SEMA4C: variants seen among roughly 807,000 people sequenced by gnomAD.
The protein encoded by SEMA4C is semaphorin 4C, also known as semaphorin-4C.
A neutral mutation model predicts 89.0 loss-of-function variants in SEMA4C; 19 were observed. The observed-to-expected ratio is 0.21, with a 90% confidence interval of 0.15 to 0.31. The LOEUF is 0.31. SEMA4C is among the 10% of genes least tolerant of loss of function. The pLI, the probability that SEMA4C is intolerant of heterozygous loss-of-function variation, is 1.00. For synonymous variants in SEMA4C, 428 were observed against 472.7 expected (o/e 0.91, Z 1.23); for missense variants, 811 against 1,107.0 (o/e 0.73, Z 3.79).
Position 96,860,760 on chromosome 2 carries a change from C to G in SEMA4C, c.2368G>C (p.Val790Leu). 1.9e-6 allele frequency: 3 copies of G among 1,613,936 alleles called. No individual in the cohort carries two copies. Among genetic ancestry groups the G allele is most frequent in the Non-Finnish European group, 2.5e-6 (3 of 1,180,006 alleles). The change falls in exon 15 of 15, where the codon GTG becomes CTG. Residue 790 changes from valine (V) to leucine (L), a missense_variant. Around this residue, in one of 4 missense-constraint regions of SEMA4C, gnomAD observed 248 missense variants for 269.0 expected, o/e 0.92. Coordinates refer to ENST00000305476, the MANE Select transcript of SEMA4C (RefSeq NM_017789.5). ...TCCTCCCCTCCTAGTTGTAAGCGCA[C>G]GTAACCATTGGCATTTGAGTTCCGC... ...GGRNSNANGY[V>L]RLQLGGEDRG...
In SEMA4C at chr2:96,863,801, G is replaced by T; in HGVS notation, c.1331-7C>A. ...TTGAGCAGCCAGCCGTCTCCTGGGG[G>T]GTGCAGAGGAGAAGGTGTAAATGAG... On this transcript the variant is annotated splice_region_variant and splice_polypyrimidine_tract_variant and intron_variant, in intron 11 of 14. Transcript: ENST00000305476. The T allele has an allele frequency of 6.2e-7, 1 of 1,612,604 alleles. No individual in the cohort carries two copies. Among genetic ancestry groups the T allele is most frequent in the Non-Finnish European group, 8.5e-7 (1 of 1,178,868 alleles).
Position 96,865,735 on chromosome 2 carries a change from C to T in SEMA4C, c.351G>A (p.Leu117=). ...QTECFNFIRF[L]QPYNASHLYV... Reference sequence around the variant, plus strand: ...ACAGGTGGGAGGCATTGTAGGGCTGCAGGAAGCGGATGAAGTTGAAGCACT... The same window carrying T: ...ACAGGTGGGAGGCATTGTAGGGCTGTAGGAAGCGGATGAAGTTGAAGCACT... Residue 117 remains leucine (L), a synonymous_variant, in exon 5 of 15, where the codon CTG becomes CTA. Transcript: ENST00000305476. The T allele has an allele frequency of 6.2e-7, 1 of 1,614,070 alleles. No homozygotes were observed. The highest frequency in any genetic ancestry group is 2.2e-5 in the East Asian group (1 of 44,870).
rs751270367 is a variant in SEMA4C at position 96,866,421 on chromosome 2, C to T, written c.120G>A (p.Thr40=). The T allele has an allele frequency of 6.2e-6, 10 of 1,613,972 alleles. No individual in the cohort carries two copies. In the Admixed American group the frequency reaches 8.3e-5, roughly 13 times the overall value. The change falls in exon 3 of 15, where the codon ACG becomes ACA. Residue 40 remains threonine (T), a synonymous_variant. Coordinates refer to ENST00000305476, the MANE Select transcript of SEMA4C (RefSeq NM_017789.5). ...RKTVSSGELA[T]VVRRFSQTGI... The stretch of plus-strand genomic sequence containing the variant: ...CGGTCTGGGAGAACCGCCGTACTAC[C>T]GTGGCCAGCTCTGCAGGGGTAAGCA...
chr2:96,865,397 A>G, intron 6 of SEMA4C, 44 bp downstream of exon 6: 6 of 1,611,048 alleles, frequency 3.7e-6, no homozygotes, highest in Non-Finnish European at 3.4e-6. Flanking sequence ...AGTGGAACCA[A>G]GCCCCAAGGA....
chr2:96,860,724 G>T lies in SEMA4C; in HGVS notation c.2404C>A (p.Leu802Ile). Residue 802 changes from leucine to isoleucine, a missense_variant, in exon 15 of 15, where the codon CTC (leucine) becomes ATC (isoleucine). By Grantham distance (5) the Leu-to-Ile change is conservative. Around this residue, in one of 4 missense-constraint regions of SEMA4C, gnomAD observed 248 missense variants for 269.0 expected, o/e 0.92. Transcript: ENST00000305476. ...GCGAGCTCAGGCAGGGGGTGCCCGAGCCCTCCCCGGTCCTCCCCTCCTAGT... is the reference window on the plus strand; with the variant it reads ...GCGAGCTCAGGCAGGGGGTGCCCGATCCCTCCCCGGTCCTCCCCTCCTAGT... ...LQLGGEDRGG[L>I]GHPLPELADE... is the part of the protein sequence containing the mutation. The T allele has an allele frequency of 6.2e-7, 1 of 1,613,778 alleles. No individual in the cohort carries two copies. Among genetic ancestry groups the T allele is most frequent in the Non-Finnish European group, 8.5e-7 (1 of 1,179,992 alleles).
Position 96,865,725 on chromosome 2 carries a change from T to C in SEMA4C, c.361A>G (p.Asn121Asp), listed in dbSNP as rs1486760201. ...FNFIRFLQPY[N>D]ASHLYVCGTY... ...CCACAGACGTACAGGTGGGAGGCATTGTAGGGCTGCAGGAAGCGGATGAAG... is the reference window on the plus strand; with the variant it reads ...CCACAGACGTACAGGTGGGAGGCATCGTAGGGCTGCAGGAAGCGGATGAAG... The change falls in exon 5 of 15, where the codon AAT (asparagine) becomes GAT (aspartate). Residue 121 changes from asparagine to aspartate, a missense_variant. Physicochemically the swap from Asn to Asp is conservative, Grantham distance 23. Around this residue, in one of 4 missense-constraint regions of SEMA4C, gnomAD observed 119 missense variants for 152.7 expected, o/e 0.78. Transcript: ENST00000305476. The C allele has an allele frequency of 6.2e-7, 1 of 1,613,874 alleles. No homozygotes were observed. Among genetic ancestry groups the C allele is most frequent in the Admixed American group, 1.7e-5 (1 of 59,992 alleles).
chr2:96,868,415 C>A, intron 1 of SEMA4C: 2 of 1,002,446 alleles, frequency 2.0e-6, no homozygotes, highest in Non-Finnish European at 2.4e-6. Context: ...AAAGGGGAAA[C>A]CTGGTGCGGC....
rs370785699 is a variant in SEMA4C, at chr2:96,861,274, C to T, written c.1854G>A (p.Gln618=). ...AGTGGTAGGCCCCGGCATGGCGGGG[C>T]TGGGCAGCCATCACAACCAGGGCCT... ...RLQALVVMAA[Q]PRHAGAYHCF... Residue 618 remains glutamine, a synonymous_variant, in exon 15 of 15, where the codon CAG becomes CAA. Coordinates refer to ENST00000305476, the MANE Select transcript of SEMA4C (RefSeq NM_017789.5). This position sits in a 1 kb window ranked among gnomAD's most constrained non-coding sequence, Gnocchi z 7.8. 13 of 1,607,564 alleles carry T rather than the reference C, an allele frequency of 8.1e-6. No homozygotes were observed. In the East Asian group the frequency reaches 8.9e-5, roughly 11 times the overall value.
In SEMA4C at chr2:96,864,585, G is replaced by C. The variant is rs2080026535; in HGVS notation, c.962+120C>G. On this transcript the variant is annotated intron_variant, in intron 9 of 14. Coordinates refer to ENST00000305476, the MANE Select transcript of SEMA4C (RefSeq NM_017789.5). The surrounding 1 kb of genome is among the most constrained non-coding windows in gnomAD (Gnocchi z 6.3). ...GGGGCAGGTGCCAGCATTCTCCTTG[G>C]CTTCTGGACACCTGGCTTCCGGGAC... 7.2e-7 allele frequency: 1 copy of C among 1,390,332 alleles called. No individual in the cohort carries two copies. The highest frequency in any genetic ancestry group is 2.1e-5 in the Admixed American group (1 of 47,020). The allele number at this position is 1,390,332 out of a possible 1,614,324, so 86.1% of individuals were successfully genotyped here. A position where few individuals can be genotyped will look rare whatever the true frequency, so the allele number is the denominator to read the frequency against.
rs1320458988 is a variant in SEMA4C at position 96,860,601 on chromosome 2, C to A, written c.*25G>T. On this transcript the variant is annotated 3_prime_UTR_variant, in exon 15 of 15. Transcript: ENST00000305476. The stretch of plus-strand genomic sequence containing the variant: ...AGTAGGAGCTACACCTCCCACGCTT[C>A]CCGCCGACGCGGTGGGGGTTCCCCT... The A allele has an allele frequency of 6.4e-7, 1 of 1,566,894 alleles. No individual in the cohort carries two copies. Among genetic ancestry groups the A allele is most frequent in the Admixed American group, 1.8e-5 (1 of 54,386 alleles).
In SEMA4C at chr2:96,866,281, A is replaced by AC; in HGVS notation, c.258+1dup. On this transcript the variant is annotated splice_donor_variant, in intron 3 of 14. Coordinates refer to ENST00000305476, the MANE Select transcript of SEMA4C (RefSeq NM_017789.5). LOFTEE classifies it high-confidence loss of function. Reference sequence around the variant, plus strand: ...ACTGCCTCCCACTGCCCCACCTCTCACCGCTCCTTGCAGCTCCAGGGCCTC... The same window carrying AC: ...ACTGCCTCCCACTGCCCCACCTCTCACCCGCTCCTTGCAGCTCCAGGGCCTC... 5 of 1,607,278 alleles carry AC rather than the reference A, an allele frequency of 3.1e-6. No individual in the cohort carries two copies. The highest frequency in any genetic ancestry group is 4.3e-6 in the Non-Finnish European group (5 of 1,175,214).
At position 96,861,555 on chromosome 2, in the gene SEMA4C, T is replaced by A. The variant is rs199642667; in HGVS notation, c.1672+24A>T. On this transcript the variant is annotated intron_variant, in intron 14 of 14. Transcript: ENST00000305476. This position sits in a 1 kb window ranked among gnomAD's most constrained non-coding sequence, Gnocchi z 7.8. ...AGCTCTGGTCCAGGGCTCAGCCCGA[T>A]GCGACGGGAATGAAAAAGCTCACCT... The A allele has an allele frequency of 9.8e-4, 1,564 of 1,600,532 alleles. 39 individuals are homozygous for A. The South Asian group carries it at 0.016, about 17-fold the overall frequency.
chr2:96,861,607 G>A lies in SEMA4C; in HGVS notation c.1644C>T (p.Gly548=). The change falls in exon 14 of 15, where the codon GGC becomes GGT. Residue 548 remains glycine (G), a synonymous_variant. Transcript: ENST00000305476. This position sits in a 1 kb window ranked among gnomAD's most constrained non-coding sequence, Gnocchi z 7.8. ...TCTTACTGCCACGGAGGTTGCAGATGCCTGAAGTGTCCGAGGTCATCACAT... is the reference window on the plus strand; with the variant it reads ...TCTTACTGCCACGGAGGTTGCAGATACCTGAAGTGTCCGAGGTCATCACAT... The part of the protein sequence containing the change: ...IQHVMTSDTS[G]ICNLRGSKKV... 6.3e-7 allele frequency: 1 copy of A among 1,582,612 alleles called. No individual in the cohort carries two copies. The highest frequency in any genetic ancestry group is 8.6e-7 in the Non-Finnish European group (1 of 1,160,856).
Position 96,860,008 on chromosome 2 carries a change from G to T in SEMA4C, c.*618C>A. ...ACCCACCCTTCCCCCCAAACACACA[G>T]GAGGCTCCATCTCCCTCCCCCCACC... On this transcript the variant is annotated 3_prime_UTR_variant, in exon 15 of 15. Transcript: ENST00000305476. The T allele has an allele frequency of 1.3e-5, 1 of 79,440 alleles. No individual in the cohort carries two copies. Among genetic ancestry groups the T allele is most frequent in the Non-Finnish European group, 2.3e-5 (1 of 43,442 alleles). The allele number at this position is 79,440 out of a possible 1,614,324, so 4.9% of individuals were successfully genotyped here. A position where few individuals can be genotyped will look rare whatever the true frequency, so the allele number is the denominator to read the frequency against.
chr2:96,867,712 C>G (rs2080112606), intron 2 of SEMA4C, 66 bp downstream of exon 2: 1 of 1,470,242 alleles, frequency 6.8e-7, no homozygotes, highest in African/African-American at 1.4e-5. Context: ...ATAAAGCCAG[C>G]ACACTATGGG....
chr2:96,862,130 C>A lies in SEMA4C; in HGVS notation c.1444-236G>T. 5.8e-6 allele frequency: 3 copies of A among 521,488 alleles called. 1 individual carries two copies. In the South Asian group the frequency reaches 9.0e-5, roughly 16 times the overall value. 32.3% of individuals were successfully genotyped at this position (521,488 alleles called of 1,614,324 possible). A position where few individuals can be genotyped will look rare whatever the true frequency, so the allele number is the denominator to read the frequency against. On this transcript the variant is annotated intron_variant, in intron 12 of 14. Coordinates refer to ENST00000305476, the MANE Select transcript of SEMA4C (RefSeq NM_017789.5). ...GATGCAATCCTAAGCCCCTTATCGA[C>A]GTGACGTTATTAGAAAGGGATGATG... is the stretch of plus-strand genomic sequence containing the variant.
chr2:96,870,829 G>A (rs80031589), upstream of SEMA4C: 7 of 888,340 alleles, frequency 7.9e-6, no homozygotes, highest in Non-Finnish European at 9.4e-6. Context: ...ACCAGCCTCC[G>A]CCCACAGCCA....
chr2:96,864,107 G>A lies in SEMA4C; in HGVS notation c.1149C>T (p.Ser383=), dbSNP rs779778516. 7 of 1,612,842 alleles carry A rather than the reference G, an allele frequency of 4.3e-6. No individual in the cohort carries two copies. The highest frequency in any genetic ancestry group is 5.9e-6 in the Non-Finnish European group (7 of 1,180,002). ...NWHRRHGYTS[S]LELPDNILNF... ...TGAGGATGTTGTCGGGTAGCTCCAG[G>A]GAGCTGGTGTAGCCGTGGCGCCGAT... The change falls in exon 11 of 15, where the codon TCC becomes TCT. Residue 383 remains serine, a synonymous_variant. Coordinates refer to ENST00000305476, the MANE Select transcript of SEMA4C (RefSeq NM_017789.5). This position sits in a 1 kb window ranked among gnomAD's most constrained non-coding sequence, Gnocchi z 6.3.
rs2080054434 is a variant in SEMA4C, at chr2:96,865,714, G to A, written c.372C>T (p.His124=). 1 of 1,614,066 alleles carries A rather than the reference G, an allele frequency of 6.2e-7. No homozygotes were observed. Among genetic ancestry groups the A allele is most frequent in the Non-Finnish European group, 8.5e-7 (1 of 1,180,032 alleles). Residue 124 remains histidine (H), a synonymous_variant, in exon 5 of 15, where the codon CAC becomes CAT. Coordinates refer to ENST00000305476, the MANE Select transcript of SEMA4C (RefSeq NM_017789.5). ...AGGCGTAGGTGCCACAGACGTACAG[G>A]TGGGAGGCATTGTAGGGCTGCAGGA... ...IRFLQPYNAS[H]LYVCGTYAFQ... is the part of the protein sequence containing the mutation.
Sources: allele counts gnomAD v4.1 joint callset, GRCh38; gene constraint gnomAD v4.1.1; regional missense constraint gnomAD v4.1.1; non-coding constraint Gnocchi (gnomAD v3.1); transcripts MANE v1.5; gene names NCBI Gene and HGNC (gene_info 2026-07-23, HGNC 2026-07-21).